Variants in NAALADL2 observed in about 807,000 individuals in gnomAD.
NAALADL2 encodes the protein inactive N-acetylated-alpha-linked acidic dipeptidase-like protein 2.
A neutral mutation model predicts 87.2 loss-of-function variants in NAALADL2; 76 were observed. That is an observed-to-expected ratio of 0.87 (90% CI 0.72 to 1.05). The LOEUF (loss-of-function observed/expected upper bound fraction) is 1.05. Among genes scored for constraint, NAALADL2 ranks in the 50% least tolerant of loss-of-function variants. The pLI is 0.00. For synonymous variants in NAALADL2, 354 were observed against 331.0 expected, an observed-to-expected ratio of 1.07 and a Z score of -0.75; for missense variants, 1,089 against 945.8, an observed-to-expected ratio of 1.15 and a Z score of -1.99.
At chr3:175,797,286 T>C (rs985157906) in intron 13 of NAALADL2, among the ~76,000 whole-genome samples, 3 of 152,154 alleles carry the variant, frequency 2.0e-5, no homozygotes, top group African/African-American at 7.2e-5. Context: ...ATTAATGTTA[T>C]TTTACACATG....
intron 3 of NAALADL2, among the ~76,000 whole-genome samples, chr3:175,244,246 C>T (rs185287161): frequency 1.1e-4 from 16 of 152,184 alleles, no homozygotes; most frequent in Admixed American, 3.3e-4. Context: ...GATAAAGTTG[C>T]GGAAGCTCTC....
intron 2 of NAALADL2, among the ~76,000 whole-genome samples, chr3:174,624,186 G>A (rs560057837): frequency 6.6e-6 from 1 of 151,642 alleles, no homozygotes; most frequent in South Asian, 2.1e-4. Context: ...CTTATACACT[G>A]AAAAAAAATG....
chr3:175,399,103 C>A (rs1770220044), intron 5 of NAALADL2, among the ~76,000 whole-genome samples: 2 of 151,486 alleles, frequency 1.3e-5, no homozygotes, highest in South Asian at 2.1e-4. Context: ...CTTTCTTTTA[C>A]CTAAGTTAAA....
intron 11 of NAALADL2, among the ~76,000 whole-genome samples, chr3:175,663,993 T>G (rs1732627988): frequency 6.6e-6 from 1 of 151,994 alleles, no homozygotes; most frequent in Non-Finnish European, 1.5e-5. Context: ...AGGAATAAAG[T>G]CTATTTGGGA....
At chr3:174,829,632 G>C (rs1019115623) in intron 3 of NAALADL2, among the ~76,000 whole-genome samples, 1 of 143,582 alleles carries the variant, frequency 7.0e-6, no homozygotes, top group Non-Finnish European at 1.5e-5. Flanking sequence ...CATATACCCA[G>C]TAATGGGATG....
At chr3:175,750,298 C>G (rs925790864) in intron 12 of NAALADL2, among the ~76,000 whole-genome samples, 6 of 152,134 alleles carry the variant, frequency 3.9e-5, no homozygotes, top group Admixed American at 1.3e-4. Context: ...GAGCAAAAGG[C>G]TTTTGTTTTC....
intron 5 of NAALADL2, among the ~76,000 whole-genome samples, chr3:175,370,338 A>G (rs906669703): frequency 6.6e-6 from 1 of 152,146 alleles, no homozygotes; most frequent in Non-Finnish European, 1.5e-5. Flanking sequence ...AGCCCTCAAT[A>G]TAAGAAAATG....
chr3:175,588,683 T>C (rs1041778925), intron 10 of NAALADL2, among the ~76,000 whole-genome samples: 13 of 151,824 alleles, frequency 8.6e-5, no homozygotes, highest in Non-Finnish European at 1.3e-4. Flanking sequence ...GGACTACAGG[T>C]GCCTGCCACC....
intron 1 of NAALADL2, among the ~76,000 whole-genome samples, chr3:174,940,603 T>C (rs1381362427): frequency 6.6e-6 from 1 of 152,176 alleles, no homozygotes; most frequent in Non-Finnish European, 1.5e-5. Flanking sequence ...AGCTCTTCTT[T>C]GTCCCTGTAG....
At chr3:174,926,670 C>T (rs965638008) in intron 1 of NAALADL2, among the ~76,000 whole-genome samples, 3 of 152,054 alleles carry the variant, frequency 2.0e-5, no homozygotes, top group African/African-American at 4.8e-5. Context: ...GATTTTGTCA[C>T]CACCAGGCCT....
intron 11 of NAALADL2, among the ~76,000 whole-genome samples, chr3:175,641,601 C>T (rs1403120047): frequency 6.6e-6 from 1 of 152,136 alleles, no homozygotes; most frequent in East Asian, 1.9e-4. Flanking sequence ...TAAGCTACTC[C>T]AACCGTGATT....
In NAALADL2 at chr3:174,659,570, C is replaced by G. The variant is rs184006678; in HGVS notation, c.-114-78071C>G. On this transcript the variant is annotated intron_variant, in intron 2 of 3. Coordinates refer to the NAALADL2 transcript ENST00000434257. ...CTCTTTAGATTCATTCTCCTTCTCT[C>G]TGCCCTGCTGTAATCCCTGTAAGGT... Among the ~76,000 whole-genome samples the G allele has an allele frequency of 1.5e-4, 23 of 152,292 alleles. No homozygotes were observed. In the East Asian group the frequency reaches 4.1e-3, roughly 27 times the overall value.
rs564531734 is a variant in NAALADL2, at chr3:175,253,239, G to T, written c.820-3172G>T. Among the ~76,000 whole-genome samples the T allele has an allele frequency of 1.2e-4, 19 of 152,304 alleles. 1 individual carries two copies. In the East Asian group the frequency reaches 1.7e-3, roughly 14 times the overall value. On this transcript the variant is annotated intron_variant, in intron 3 of 13. Transcript: ENST00000454872. The stretch of plus-strand genomic sequence containing the variant: ...GATGTAATGCTGCTGGTGACTTGAA[G>T]TTGAAGCCAGTGCTCATTTACCATT...
chr3:174,545,912 A>T (rs943502348), intron 1 of NAALADL2, among the ~76,000 whole-genome samples: 2 of 150,512 alleles, frequency 1.3e-5, no homozygotes, highest in African/African-American at 4.9e-5. Context: ...TTGTTTTATT[A>T]ATTATATATT....
At chr3:174,944,093 C>G (rs1739031650) in intron 1 of NAALADL2, among the ~76,000 whole-genome samples, 1 of 152,118 alleles carries the variant, frequency 6.6e-6, no homozygotes, top group Non-Finnish European at 1.5e-5. Flanking sequence ...CCCTAGTCAC[C>G]TTGGATTTTC....
chr3:175,534,059 A>T (rs956209816), intron 9 of NAALADL2, among the ~76,000 whole-genome samples: 2 of 150,562 alleles, frequency 1.3e-5, no homozygotes, highest in Admixed American at 6.6e-5. Context: ...ATTTATTTAT[A>T]ATAAATAAAT....
At chr3:174,556,449 T>G (rs905942448) in intron 2 of NAALADL2, among the ~76,000 whole-genome samples, 1 of 152,180 alleles carries the variant, frequency 6.6e-6, no homozygotes, top group Non-Finnish European at 1.5e-5. Flanking sequence ...GGTAACTTTT[T>G]TTTTTCTTTT....
rs1764932562 is a variant in NAALADL2, at chr3:175,360,946, G to A, written c.1090+36621G>A. ...AGGTTTGTTAAATATGTATACATGT[G>A]CCATGTTGGTGTGCTGCACCCATTA... On this transcript the variant is annotated intron_variant, in intron 5 of 13. Coordinates refer to ENST00000454872, the MANE Select transcript of NAALADL2 (RefSeq NM_207015.3). Among the ~76,000 whole-genome samples, 5 of 151,416 alleles carry A rather than the reference G, an allele frequency of 3.3e-5. No homozygotes were observed. The South Asian group carries it at 1.0e-3, about 32-fold the overall frequency.
intron 5 of NAALADL2, among the ~76,000 whole-genome samples, chr3:175,444,699 T>C (rs1048486712): frequency 3.3e-5 from 5 of 152,164 alleles, no homozygotes; most frequent in African/African-American, 9.7e-5. Context: ...ATATAGCCAC[T>C]TGTGGTTCCA....
Sources: allele counts gnomAD v4.1 joint callset (sites outside exome capture counted in the v4.1 genomes callset), GRCh38; gene constraint gnomAD v4.1.1; transcripts MANE v1.5; gene names NCBI Gene and HGNC (gene_info 2026-07-23, HGNC 2026-07-21).